Variants in CCDC171 observed in about 807,000 individuals in gnomAD.
CCDC171 encodes coiled-coil domain-containing protein 171.
In CCDC171, 177 loss-of-function variants were observed where a neutral mutation model predicts 168.2. The ratio of observed to expected loss-of-function variants is 1.05; its 90% CI spans 0.93 to 1.19. The LOEUF (loss-of-function observed/expected upper bound fraction) is 1.19. CCDC171 is among the 50% of genes most tolerant of loss of function. The pLI is 0.00. For synonymous variants in CCDC171, 687 were observed against 540.8 expected (o/e 1.27, Z -3.75); for missense variants, 1,991 against 1,539.0 (o/e 1.29, Z -4.91).
intron 21 of CCDC171, among the ~76,000 whole-genome samples, chr9:15,815,233 A>G (rs1025453263): frequency 6.6e-6 from 1 of 152,116 alleles, no homozygotes; most frequent in Non-Finnish European, 1.5e-5. Context: ...AGCCGCCCGT[A>G]TCATTCCTTG....
At chr9:15,555,399 G>C (rs1402776005) in intron 1 of CCDC171, among the ~76,000 whole-genome samples, 2 of 152,174 alleles carry the variant, frequency 1.3e-5, no homozygotes, top group Non-Finnish European at 2.9e-5. Flanking sequence ...TCTGGATTGA[G>C]AATCGACTGA....
intron 1 of CCDC171, among the ~76,000 whole-genome samples, chr9:16,047,968 C>A (rs147325692): frequency 6.6e-6 from 1 of 152,192 alleles, no homozygotes; most frequent in African/African-American, 2.4e-5. Flanking sequence ...GACACAGAAC[C>A]GATGGCTCTC....
chr9:16,003,343 T>C (rs1832609535), intron 3 of CCDC171, among the ~76,000 whole-genome samples: 1 of 152,220 alleles, frequency 6.6e-6, no homozygotes, highest in African/African-American at 2.4e-5. Flanking sequence ...TCAGAGTTCC[T>C]GTTTCAACAA....
At chr9:15,909,064 G>C (rs1468179984) in intron 24 of CCDC171, among the ~76,000 whole-genome samples, 1 of 152,106 alleles carries the variant, frequency 6.6e-6, no homozygotes, top group Non-Finnish European at 1.5e-5. Flanking sequence ...GACTCCAATT[G>C]AGTATATCAC....
At chr9:15,748,734 G>A (rs574478063) in intron 18 of CCDC171, among the ~76,000 whole-genome samples, 9 of 152,144 alleles carry the variant, frequency 5.9e-5, no homozygotes, top group Non-Finnish European at 1.3e-4. Flanking sequence ...TGCTTCTTAA[G>A]TGAAGGAGAA....
chr9:15,888,794 C>G (rs1303285968), intron 24 of CCDC171, among the ~76,000 whole-genome samples: 1 of 151,994 alleles, frequency 6.6e-6, no homozygotes, highest in African/African-American at 2.4e-5. Flanking sequence ...CTCCAGAATG[C>G]TCTGAAACTG....
chr9:15,977,902 A>G (rs1831671955), downstream of CCDC171, among the ~76,000 whole-genome samples: 1 of 152,166 alleles, frequency 6.6e-6, no homozygotes, highest in South Asian at 2.1e-4. Context: ...GGACGAATGG[A>G]ATTGTATTGG....
intron 18 of CCDC171, among the ~76,000 whole-genome samples, chr9:15,746,794 G>T (rs1046859374): frequency 6.6e-6 from 1 of 152,152 alleles, no homozygotes; most frequent in Non-Finnish European, 1.5e-5. Context: ...AGCAGGGCGG[G>T]GTGTCACCTC....
At chr9:15,897,294 A>T (rs1374409665) in intron 24 of CCDC171, among the ~76,000 whole-genome samples, 1 of 151,382 alleles carries the variant, frequency 6.6e-6, no homozygotes, top group Non-Finnish European at 1.5e-5. Flanking sequence ...CTTTTTTCCA[A>T]GTCATCTATT....
In CCDC171 at chr9:15,888,241, C is replaced by G. The variant is rs149035750; in HGVS notation, c.3600+13578C>G. On this transcript the variant is annotated intron_variant, in intron 24 of 25. Transcript: ENST00000380701. ...TAAAACTTGATGTGATTTTCACATC[C>G]TGACTTAATTTTTTTTGGTTGCAAT... 6.6e-3 allele frequency among the ~76,000 whole-genome samples: 1,004 copies of G among 152,210 alleles called. 18 individuals are homozygous for G. Among genetic ancestry groups the G allele is most frequent in the African/African-American group, 0.023 (956 of 41,538 alleles).
At chr9:16,106,831 C>T in the CCDC171 span, among the ~76,000 whole-genome samples, 6 of 152,066 alleles carry the variant, frequency 3.9e-5, no homozygotes, top group African/African-American at 1.2e-4. Context: ...CCTTATCTGC[C>T]CAGCACACTC....
chr9:15,618,937 C>T (rs568918896), intron 6 of CCDC171, among the ~76,000 whole-genome samples: 1 of 152,184 alleles, frequency 6.6e-6, no homozygotes, highest in Non-Finnish European at 1.5e-5. Flanking sequence ...CTGCAGACTG[C>T]CGCTGTTTCT....
chr9:15,663,608 CT>C (rs56022914), intron 8 of CCDC171, among the ~76,000 whole-genome samples: 101,681 of 123,232 alleles, frequency 0.83, 42,762 homozygotes, highest in South Asian at 0.93. Flanking sequence ...CTTTTTTTTT[CT>C]TTTTTTTTTT....
chr9:15,983,586 G>A (rs1004989223), intron 3 of CCDC171, among the ~76,000 whole-genome samples: 6 of 149,458 alleles, frequency 4.0e-5, no homozygotes, highest in African/African-American at 1.5e-4. Flanking sequence ...ACCTTTTTAA[G>A]GGATCCTCAG....
At chr9:15,752,283 G>A (rs2055802439) in intron 18 of CCDC171, among the ~76,000 whole-genome samples, 1 of 152,180 alleles carries the variant, frequency 6.6e-6, no homozygotes, top group Non-Finnish European at 1.5e-5. Context: ...TGGAGAAATA[G>A]GTACGCTGTT....
chr9:15,880,430 A>G (rs1316452483), intron 24 of CCDC171, among the ~76,000 whole-genome samples: 3 of 151,524 alleles, frequency 2.0e-5, no homozygotes, highest in Non-Finnish European at 4.4e-5. Context: ...ATGCTAATGA[A>G]CATATCTGTC....
chr9:15,906,653 G>T (rs906301176), intron 24 of CCDC171, among the ~76,000 whole-genome samples: 1 of 151,336 alleles, frequency 6.6e-6, no homozygotes, highest in Non-Finnish European at 1.5e-5. Flanking sequence ...ATTCAACATA[G>T]TGTTGGAAGT....
At chr9:15,980,017 C>G (rs892465662) in intron 3 of CCDC171, among the ~76,000 whole-genome samples, 8 of 151,812 alleles carry the variant, frequency 5.3e-5, no homozygotes, top group Non-Finnish European at 8.8e-5. Context: ...ATTATTTAAT[C>G]TCTTTACCTA....
chr9:15,956,856 C>G (rs1182284155), intron 25 of CCDC171, among the ~76,000 whole-genome samples: 1 of 151,930 alleles, frequency 6.6e-6, no homozygotes, highest in East Asian at 1.9e-4. Context: ...TTGTCAGATG[C>G]CCCTTTTTTA....
Sources: gnomAD v4.1 joint callset for allele counts (sites outside exome capture counted in the v4.1 genomes callset) on GRCh38, gnomAD v4.1.1 for gene constraint, MANE v1.5 for transcripts, NCBI Gene and HGNC (gene_info 2026-07-23, HGNC 2026-07-21) for gene names.